The following LCLAT1 variants were observed in gnomAD, a reference collection of about 807,000 sequenced individuals.
The protein encoded by LCLAT1 is 1-AGP acyltransferase 8.
LCLAT1 carries 11 observed loss-of-function variants against 30.7 expected under a neutral mutation model. The ratio of observed to expected loss-of-function variants is 0.36; its 90% CI spans 0.23 to 0.59. LCLAT1 has a LOEUF of 0.59. LCLAT1 is among the 20% of genes least tolerant of loss of function. The pLI is 0.77. For synonymous variants in LCLAT1, 155 were observed against 151.3 expected (o/e 1.02, Z -0.18); for missense variants, 402 against 458.6 (o/e 0.88, Z 1.13).
intron 5 of LCLAT1, among the ~76,000 whole-genome samples, chr2:30,636,520 G>A (rs1669031287): frequency 6.6e-6 from 1 of 152,130 alleles, no homozygotes; most frequent in Non-Finnish European, 1.5e-5. Context: ...AAGAGGCAGA[G>A]CCAGGATCCC....
intron 5 of LCLAT1, among the ~76,000 whole-genome samples, chr2:30,593,014 C>T (rs933274186): frequency 2.6e-5 from 4 of 152,054 alleles, no homozygotes; most frequent in Non-Finnish European, 4.4e-5. Context: ...GAACTTACTC[C>T]TTCTAACTAT....
chr2:30,638,723 A>C (rs978307539), intron 5 of LCLAT1, among the ~76,000 whole-genome samples: 1 of 143,598 alleles, frequency 7.0e-6, no homozygotes, highest in Non-Finnish European at 1.6e-5. Flanking sequence ...CCCACCATCT[A>C]CTTGGTACCC....
intron 3 of LCLAT1, among the ~76,000 whole-genome samples, chr2:30,544,123 T>C (rs538599683): frequency 4.3e-4 from 66 of 152,266 alleles, no homozygotes; most frequent in African/African-American, 1.4e-3. Context: ...ACTGAAAGCT[T>C]TGGAGAAGGG....
At chr2:30,558,224 C>T (rs13017827) in intron 3 of LCLAT1, among the ~76,000 whole-genome samples, 18,274 of 152,006 alleles carry the variant, frequency 0.12, 1,386 homozygotes, top group East Asian at 0.29. Flanking sequence ...AAGAAAAAGA[C>T]AAATCAATTA....
chr2:30,478,754 C>G (rs1461940117), intron 1 of LCLAT1, among the ~76,000 whole-genome samples: 1 of 152,146 alleles, frequency 6.6e-6, no homozygotes, highest in African/African-American at 2.4e-5. Flanking sequence ...CACACATAAA[C>G]AAATGAAGTA....
intron 3 of LCLAT1, among the ~76,000 whole-genome samples, chr2:30,560,402 G>A (rs541556410): frequency 3.8e-4 from 57 of 151,338 alleles, no homozygotes; most frequent in African/African-American, 1.3e-3. Context: ...GCAGTGGTAC[G>A]ATCTCAGCTC....
At chr2:30,486,153 C>G (rs1683547159) in intron 1 of LCLAT1, among the ~76,000 whole-genome samples, 1 of 152,108 alleles carries the variant, frequency 6.6e-6, no homozygotes, top group Non-Finnish European at 1.5e-5. Flanking sequence ...ACAGTAAGTC[C>G]TCATTGCCTA....
intron 1 of LCLAT1, among the ~76,000 whole-genome samples, chr2:30,501,988 G>T (rs1320379025): frequency 1.3e-5 from 2 of 152,066 alleles, no homozygotes; most frequent in Non-Finnish European, 2.9e-5. Flanking sequence ...AGAAATCCTG[G>T]CTTCTGATTT....
chr2:30,575,524 T>C (rs1196153225), intron 5 of LCLAT1, among the ~76,000 whole-genome samples: 1 of 152,166 alleles, frequency 6.6e-6, no homozygotes, highest in African/African-American at 2.4e-5. Context: ...TGGAGTCCTT[T>C]CATTGCAACA....
chr2:30,456,005 A>T (rs972929881), intron 1 of LCLAT1, among the ~76,000 whole-genome samples: 1 of 151,588 alleles, frequency 6.6e-6, no homozygotes, highest in South Asian at 2.1e-4. Context: ...TTCTTTAAAC[A>T]TTGGTAGAAT....
chr2:30,537,668 T>C (rs1407251562), intron 3 of LCLAT1, among the ~76,000 whole-genome samples: 2 of 152,066 alleles, frequency 1.3e-5, no homozygotes, highest in African/African-American at 4.8e-5. Flanking sequence ...CAGCAACAGA[T>C]AGATGATCCA....
intron 3 of LCLAT1, 139 bp from the exon 4 acceptor site, chr2:30,562,007 T>G (rs1481603837): frequency 2.0e-6 from 1 of 491,692 alleles, no homozygotes; most frequent in Non-Finnish European, 3.4e-6. Flanking sequence ...AGATCAGTGC[T>G]GAATTTATGC....
At chr2:30,507,113 G>C (rs1430734558) in intron 1 of LCLAT1, among the ~76,000 whole-genome samples, 1 of 151,946 alleles carries the variant, frequency 6.6e-6, no homozygotes, top group Non-Finnish European at 1.5e-5. Flanking sequence ...AATAATTGAC[G>C]TTAGTGTTCA....
chr2:30,638,364 A>G (rs1354681691), intron 5 of LCLAT1, among the ~76,000 whole-genome samples: 1 of 152,214 alleles, frequency 6.6e-6, no homozygotes, highest in Admixed American at 6.5e-5. Context: ...ATATGTAAGC[A>G]TCATGTAATC....
chr2:30,519,110 A>G (rs1028871264), intron 1 of LCLAT1, among the ~76,000 whole-genome samples: 1 of 152,216 alleles, frequency 6.6e-6, no homozygotes, highest in Admixed American at 6.5e-5. Context: ...CTGGGCCCTC[A>G]CTGAGGAACA....
chr2:30,495,902 A>G (rs546139369), intron 1 of LCLAT1, among the ~76,000 whole-genome samples: 3 of 152,264 alleles, frequency 2.0e-5, no homozygotes, highest in East Asian at 3.9e-4. Flanking sequence ...TACAGATAAT[A>G]TATTGGGGTC....
At chr2:30,473,498 C>T (rs1042871991) in intron 1 of LCLAT1, among the ~76,000 whole-genome samples, 2 of 152,106 alleles carry the variant, frequency 1.3e-5, no homozygotes, top group South Asian at 2.1e-4. Context: ...TTTTTCATCC[C>T]TTTATTTATT....
chr2:30,537,048 C>T (rs2148402930), intron 3 of LCLAT1, among the ~76,000 whole-genome samples: 1 of 152,244 alleles, frequency 6.6e-6, no homozygotes, highest in East Asian at 1.9e-4. Flanking sequence ...ACATGGAAAC[C>T]AAACATGAGC....
At chr2:30,534,493 T>C (rs771347760) in intron 3 of LCLAT1, among the ~76,000 whole-genome samples, 42 of 152,280 alleles carry the variant, frequency 2.8e-4, no homozygotes, top group African/African-American at 9.1e-4. Flanking sequence ...TTAGCCAGGA[T>C]GGTCTTGATC....
Sources: gnomAD v4.1 joint callset for allele counts (sites outside exome capture counted in the v4.1 genomes callset) on GRCh38, gnomAD v4.1.1 for gene constraint, MANE v1.5 for transcripts, NCBI Gene and HGNC (gene_info 2026-07-23, HGNC 2026-07-21) for gene names.